MACROD2: variants seen among roughly 807,000 people sequenced by gnomAD.
MACROD2 encodes the protein ADP-ribose glycohydrolase MACROD2.
Under a neutral mutation model 70.4 loss-of-function variants are expected in MACROD2, and 36 were observed. The observed-to-expected ratio is 0.51, with a 90% confidence interval of 0.39 to 0.68. The LOEUF is 0.68. MACROD2 is among the 30% of genes least tolerant of loss of function. The pLI is 0.00. For missense variants in MACROD2, 496 were observed against 538.4 expected (o/e 0.92, Z 0.78); for synonymous variants, 172 against 178.8 (o/e 0.96, Z 0.30).
intron 10 of MACROD2, among the ~76,000 whole-genome samples, chr20:15,922,946 T>A (rs2065432623): frequency 7.0e-6 from 1 of 143,592 alleles, no homozygotes. Context: ...AGGTAAATTC[T>A]ATACATTGAT....
At chr20:14,825,181 T>G (rs1468818791) in intron 5 of MACROD2, among the ~76,000 whole-genome samples, 2 of 152,032 alleles carry the variant, frequency 1.3e-5, no homozygotes, top group Non-Finnish European at 2.9e-5. Flanking sequence ...TTTTTTGAAT[T>G]GAGAACAAGA....
chr20:14,903,007 A>G (rs566093540), intron 5 of MACROD2, among the ~76,000 whole-genome samples: 64 of 150,356 alleles, frequency 4.3e-4, no homozygotes, highest in Admixed American at 1.5e-3. Context: ...CGTCAGGGAG[A>G]GGACATCTAA....
chr20:14,584,196 C>T (rs141314689), intron 4 of MACROD2, among the ~76,000 whole-genome samples: 145 of 152,216 alleles, frequency 9.5e-4, no homozygotes, highest in African/African-American at 3.2e-3. Context: ...TACCCAGCAG[C>T]GTTTTGTTTA....
At chr20:14,662,276 G>A (rs2035941571) in intron 4 of MACROD2, among the ~76,000 whole-genome samples, 2 of 151,978 alleles carry the variant, frequency 1.3e-5, no homozygotes, top group Non-Finnish European at 2.9e-5. Context: ...GCGATAACTG[G>A]CTAGCCATAT....
chr20:14,721,895 T>C (rs747307622), intron 5 of MACROD2, among the ~76,000 whole-genome samples: 5 of 152,156 alleles, frequency 3.3e-5, no homozygotes, highest in Non-Finnish European at 7.4e-5. Flanking sequence ...AATCCTCCCC[T>C]TCTCTTAAGG....
At chr20:14,593,587 G>T (rs1490605652) in intron 4 of MACROD2, among the ~76,000 whole-genome samples, 3 of 152,042 alleles carry the variant, frequency 2.0e-5, no homozygotes, top group African/African-American at 4.8e-5. Context: ...ACAGACAAAA[G>T]AAAACAAAGT....
At chr20:15,720,690 A>G (rs1418344095) in intron 8 of MACROD2, among the ~76,000 whole-genome samples, 2 of 152,206 alleles carry the variant, frequency 1.3e-5, no homozygotes, top group Non-Finnish European at 2.9e-5. Flanking sequence ...GTACATCTGC[A>G]TGAGTCTCCA....
In MACROD2 at chr20:14,465,830, A is replaced by C. The variant is rs191986397; in HGVS notation, c.272-27649A>C. On this transcript the variant is annotated intron_variant, in intron 3 of 17. Coordinates refer to ENST00000684519, the MANE Select transcript of MACROD2 (RefSeq NM_001351661.2). ...CTGGATATGAAATTCTGAGTTGAAA[A>C]TTCTTTTCTTTAAGAATGTTGAATA... 4.9e-3 allele frequency among the ~76,000 whole-genome samples: 744 copies of C among 152,202 alleles called. 6 individuals are homozygous for C. The highest frequency in any genetic ancestry group is 7.2e-3 in the Non-Finnish European group (488 of 68,038).
At chr20:14,869,940 G>A (rs896932835) in intron 5 of MACROD2, among the ~76,000 whole-genome samples, 6 of 152,230 alleles carry the variant, frequency 3.9e-5, no homozygotes, top group African/African-American at 9.6e-5. Flanking sequence ...GGCTCATGGA[G>A]GCTCTGCTAT....
chr20:14,989,741 G>A (rs1224082952), intron 5 of MACROD2, among the ~76,000 whole-genome samples: 3 of 152,070 alleles, frequency 2.0e-5, no homozygotes, highest in Admixed American at 2.0e-4. Context: ...TGAAATCTAG[G>A]TCAAATCCAG....
intron 9 of MACROD2, among the ~76,000 whole-genome samples, chr20:15,872,553 A>G (rs1841141919): frequency 6.6e-6 from 1 of 152,174 alleles, no homozygotes; most frequent in Admixed American, 6.6e-5. Flanking sequence ...TCATGTGCAA[A>G]CATACTAATG....
chr20:14,769,367 A>T lies in MACROD2; in HGVS notation c.418+84408A>T, dbSNP rs959461228. 7.2e-5 allele frequency among the ~76,000 whole-genome samples: 11 copies of T among 152,108 alleles called. No homozygotes were observed. The East Asian group carries it at 2.1e-3, about 29-fold the overall frequency. On this transcript the variant is annotated intron_variant, in intron 5 of 17. Coordinates refer to ENST00000684519, the MANE Select transcript of MACROD2 (RefSeq NM_001351661.2). ...TGTCTTGGCAGGAAGAGAAATTTGT[A>T]CTACACTTATTTACTTTTGGCAAAG...
intron 3 of MACROD2, among the ~76,000 whole-genome samples, chr20:14,204,615 A>G (rs1259562302): frequency 6.6e-6 from 1 of 152,090 alleles, no homozygotes; most frequent in African/African-American, 2.4e-5. Flanking sequence ...CTGCTTGGGA[A>G]TCTCTCACAT....
rs75466021 is a variant in MACROD2, at chr20:15,494,441, C to T, written c.572-5333C>T. On this transcript the variant is annotated intron_variant, in intron 7 of 17. Transcript: ENST00000684519. Reference sequence around the variant, plus strand: ...AATAGTCTAGTTGTTCATCAACACTCGACTGGATAAACAGATTGTGGAATA... The same window carrying T: ...AATAGTCTAGTTGTTCATCAACACTTGACTGGATAAACAGATTGTGGAATA... Among the ~76,000 whole-genome samples, 1,089 of 151,990 alleles carry T rather than the reference C, an allele frequency of 7.2e-3. 15 individuals are homozygous for T. Among genetic ancestry groups the T allele is most frequent in the African/African-American group, 0.025 (1,020 of 41,426 alleles).
intron 6 of MACROD2, among the ~76,000 whole-genome samples, chr20:15,317,095 A>G (rs1284058415): frequency 6.6e-6 from 1 of 152,110 alleles, no homozygotes; most frequent in Admixed American, 6.6e-5. Flanking sequence ...AAATGCCAAC[A>G]TTAAAAATAA....
chr20:15,317,611 C>G (rs2077827273), intron 6 of MACROD2, among the ~76,000 whole-genome samples: 1 of 151,558 alleles, frequency 6.6e-6, no homozygotes, highest in Non-Finnish European at 1.5e-5. Context: ...ATCTGGAGAA[C>G]CAAAAAAGTT....
chr20:15,635,820 C>A (rs979137220), intron 8 of MACROD2, among the ~76,000 whole-genome samples: 1 of 151,668 alleles, frequency 6.6e-6, no homozygotes, highest in Non-Finnish European at 1.5e-5. Context: ...GTAATCCCAG[C>A]GCTTTGGGAG....
intron 8 of MACROD2, among the ~76,000 whole-genome samples, chr20:15,854,323 C>A (rs991394227): frequency 6.6e-6 from 1 of 151,978 alleles, no homozygotes; most frequent in African/African-American, 2.4e-5. Context: ...GCTTTGGGGA[C>A]CATATGGCAA....
intron 8 of MACROD2, among the ~76,000 whole-genome samples, chr20:15,851,061 G>A (rs1287470189): frequency 6.6e-6 from 1 of 152,038 alleles, no homozygotes; most frequent in Non-Finnish European, 1.5e-5. Context: ...AAATGGGCAT[G>A]GGAAGAAAAG....
Sources: allele counts gnomAD v4.1 joint callset (sites outside exome capture counted in the v4.1 genomes callset), GRCh38; gene constraint gnomAD v4.1.1; transcripts MANE v1.5; gene names NCBI Gene and HGNC (gene_info 2026-07-23, HGNC 2026-07-21).